Variants in TCF7L1 observed in about 807,000 individuals in gnomAD.
The protein encoded by TCF7L1 is transcription factor 7-like 1.
TCF7L1 carries 18 observed loss-of-function variants against 63.7 expected under a neutral mutation model. The ratio of observed to expected loss-of-function variants is 0.28; its 90% CI spans 0.20 to 0.42. TCF7L1 has a LOEUF of 0.42. TCF7L1 is among the 10% of genes least tolerant of loss of function. The probability of loss-of-function intolerance (pLI) is 1.00; values close to 1 mark genes in which losing one functional copy is unlikely to be tolerated. For missense variants in TCF7L1, 654 were observed against 779.3 expected, an observed-to-expected ratio of 0.84 and a Z score of 1.91; for synonymous variants, 355 against 340.9, an observed-to-expected ratio of 1.04 and a Z score of -0.46.
chr2:85,244,126 T>G (rs1459310835), intron 3 of TCF7L1, among the ~76,000 whole-genome samples: 7 of 152,022 alleles, frequency 4.6e-5, no homozygotes, highest in Non-Finnish European at 7.4e-5. Flanking sequence ...TGGCGCTTGG[T>G]AGGTTCCAGG....
At chr2:85,294,026 ATTTTTTTTTTTTTTT>A (rs774050758) in intron 4 of TCF7L1, among the ~76,000 whole-genome samples, 7 of 59,486 alleles carry the variant, frequency 1.2e-4, no homozygotes, top group Non-Finnish European at 2.1e-4. Flanking sequence ...GAACACTGGG[ATTTTTTTTTTTTTTT>A]TTTTTTTTTT....
At position 85,302,543 on chromosome 2, in the gene TCF7L1, C is replaced by G; in HGVS notation, c.585C>G (p.Ile195Met). The G allele has an allele frequency of 1.9e-6, 3 of 1,614,226 alleles. No individual in the cohort carries two copies. ...PHHMHPLTPL[I>M]TYSNDHFSPG... ...ACATGCATCCGCTGACTCCCCTCAT[C>G]ACCTACAGCAATGACCACTTCTCCC... The change falls in exon 5 of 12, where the codon ATC (isoleucine) becomes ATG (methionine). Residue 195 changes from isoleucine (I) to methionine (M), a missense_variant. Ile to Met is a conservative substitution (Grantham distance 10). This residue lies in a region of TCF7L1 where 404 missense variants were observed against 454.8 expected (regional missense o/e 0.89). Coordinates refer to ENST00000282111, the MANE Select transcript of TCF7L1 (RefSeq NM_031283.3).
chr2:85,238,598 C>T (rs1437105408), intron 3 of TCF7L1, among the ~76,000 whole-genome samples: 1 of 152,026 alleles, frequency 6.6e-6, no homozygotes, highest in Non-Finnish European at 1.5e-5. Context: ...GGCAGAAAAC[C>T]ACACAGGCAA....
Position 85,309,455 on chromosome 2 carries a change from C to G in TCF7L1, c.1760C>G (p.Ala587Gly). The change falls in exon 12 of 12, where the codon GCC (alanine) becomes GGC (glycine). Residue 587 changes from alanine to glycine, a missense_variant. By Grantham distance (60) the Ala-to-Gly change is moderately conservative (BLOSUM62 0). Around this residue, in one of 3 missense-constraint regions of TCF7L1, gnomAD observed 184 missense variants for 204.0 expected, o/e 0.90. Transcript: ENST00000282111. Reference protein sequence around the residue: ...AQPLSLVTKSAH With the variant: ...AQPLSLVTKSGH ...CCTCTTTCCCTGGTCACCAAGTCTG[C>G]CCACTAAGCTCCCCCCGACCCCTGC... is the stretch of plus-strand genomic sequence containing the variant. The G allele has an allele frequency of 6.6e-7, 1 of 1,521,916 alleles. No individual in the cohort carries two copies. Among genetic ancestry groups the G allele is most frequent in the Non-Finnish European group, 8.8e-7 (1 of 1,135,548 alleles). 94.3% of individuals were successfully genotyped at this position (1,521,916 alleles called of 1,614,324 possible).
intron 3 of TCF7L1, among the ~76,000 whole-genome samples, chr2:85,275,384 C>T (rs1056092257): frequency 3.3e-5 from 5 of 151,778 alleles, no homozygotes; most frequent in Non-Finnish European, 5.9e-5. Context: ...CTTTGGAATG[C>T]GAGGGGAAGA....
At chr2:85,303,547 G>C (rs1339675164) in intron 5 of TCF7L1, 1 of 221,134 alleles carries the variant, frequency 4.5e-6, no homozygotes, top group African/African-American at 2.3e-5. Flanking sequence ...AATGAGGCGG[G>C]CTTTCTAGAG....
chr2:85,179,816 A>T (rs1032774265), intron 3 of TCF7L1, among the ~76,000 whole-genome samples: 4 of 152,250 alleles, frequency 2.6e-5, no homozygotes, highest in African/African-American at 9.6e-5. Flanking sequence ...TGCATAAAAA[A>T]GATTTCTTAC....
chr2:85,201,640 C>T (rs531571860), intron 3 of TCF7L1, among the ~76,000 whole-genome samples: 17 of 152,216 alleles, frequency 1.1e-4, no homozygotes, highest in African/African-American at 3.9e-4. Flanking sequence ...TGCTGGGTTG[C>T]GTGGTCACTT....
At chr2:85,171,487 G>C (rs1235705888) in intron 3 of TCF7L1, among the ~76,000 whole-genome samples, 1 of 152,252 alleles carries the variant, frequency 6.6e-6, no homozygotes, top group Non-Finnish European at 1.5e-5. Context: ...TTTGTGGTGT[G>C]TACTGCTACT....
chr2:85,150,430 C>G (rs1677981826), intron 3 of TCF7L1, among the ~76,000 whole-genome samples: 1 of 152,106 alleles, frequency 6.6e-6, no homozygotes, highest in Non-Finnish European at 1.5e-5. Context: ...GACGGGATTT[C>G]ACCGTGTTAG....
chr2:85,230,235 A>G (rs1680046798), intron 3 of TCF7L1, among the ~76,000 whole-genome samples: 1 of 152,224 alleles, frequency 6.6e-6, no homozygotes. Flanking sequence ...TCTCATAAAC[A>G]ATAGTGCAGT....
Position 85,245,854 on chromosome 2 carries a change from CA to C in TCF7L1, c.442-37639del, listed in dbSNP as rs1454796320. Among the ~76,000 whole-genome samples, 3 of 151,146 alleles carry C rather than the reference CA, an allele frequency of 2.0e-5. No homozygotes were observed. The East Asian group carries it at 5.8e-4, about 29-fold the overall frequency. ...TAATTAAAAAAAAAAAAAAACAGACCAACAGTTGCCCATAGACCAACAGCAG... is the reference window on the plus strand; with the variant it reads ...TAATTAAAAAAAAAAAAAAACAGACCACAGTTGCCCATAGACCAACAGCAG... On this transcript the variant is annotated intron_variant, in intron 3 of 11. Transcript: ENST00000282111.
chr2:85,195,683 A>G (rs1165775332), intron 3 of TCF7L1, among the ~76,000 whole-genome samples: 1 of 151,904 alleles, frequency 6.6e-6, no homozygotes, highest in Non-Finnish European at 1.5e-5. Flanking sequence ...AGTAGCTGGG[A>G]CTAGAGGGGC....
intron 3 of TCF7L1, among the ~76,000 whole-genome samples, chr2:85,223,491 C>T (rs1445229630): frequency 6.6e-6 from 1 of 152,018 alleles, no homozygotes; most frequent in Non-Finnish European, 1.5e-5. Flanking sequence ...AGGGAGGGGC[C>T]GGCAAGGGTA....
chr2:85,188,699 C>G (rs1284219928), intron 3 of TCF7L1, among the ~76,000 whole-genome samples: 1 of 152,156 alleles, frequency 6.6e-6, no homozygotes, highest in Non-Finnish European at 1.5e-5. Flanking sequence ...GTGTTTGAAT[C>G]ATTCCATTAT....
chr2:85,274,071 C>T (rs1443335768), intron 3 of TCF7L1, among the ~76,000 whole-genome samples: 1 of 152,126 alleles, frequency 6.6e-6, no homozygotes, highest in Non-Finnish European at 1.5e-5. Flanking sequence ...AGGGGAGAGA[C>T]AGAGGGAGGG....
At chr2:85,135,934 G>C (rs924212509) in intron 3 of TCF7L1, among the ~76,000 whole-genome samples, 3 of 51,404 alleles carry the variant, frequency 5.8e-5, no homozygotes, top group Non-Finnish European at 1.2e-4. Context: ...CAATCAAAGG[G>C]GGGGGGGGAT....
At chr2:85,294,475 G>A (rs929332518) in intron 4 of TCF7L1, among the ~76,000 whole-genome samples, 1 of 152,170 alleles carries the variant, frequency 6.6e-6, no homozygotes. Context: ...TGCTTATGCT[G>A]CTGGTCTGGG....
chr2:85,272,979 A>G (rs375547275), intron 3 of TCF7L1, among the ~76,000 whole-genome samples: 41 of 152,344 alleles, frequency 2.7e-4, no homozygotes, highest in African/African-American at 9.4e-4. Context: ...TTGCAAAGAC[A>G]GGAGAGTGTC....
Sources: allele counts gnomAD v4.1 joint callset (sites outside exome capture counted in the v4.1 genomes callset), GRCh38; gene constraint gnomAD v4.1.1; regional missense constraint gnomAD v4.1.1; transcripts MANE v1.5; gene names NCBI Gene and HGNC (gene_info 2026-07-23, HGNC 2026-07-21).